NAALADL2: variants seen among roughly 807,000 people sequenced by gnomAD.
NAALADL2 encodes N-acetylated alpha-linked acidic dipeptidase like 2.
In NAALADL2, 76 loss-of-function variants were observed where a neutral mutation model predicts 87.2. That is an observed-to-expected ratio of 0.87 (90% CI 0.72 to 1.05). The LOEUF (loss-of-function observed/expected upper bound fraction) is 1.05. NAALADL2 is among the 50% of genes least tolerant of loss of function. NAALADL2 has a pLI of 0.00. For missense variants in NAALADL2, 1,089 were observed against 945.8 expected, an observed-to-expected ratio of 1.15 and a Z score of -1.99; for synonymous variants, 354 against 331.0, an observed-to-expected ratio of 1.07 and a Z score of -0.75.
At chr3:175,190,767 G>A (rs1738030507) in intron 2 of NAALADL2, among the ~76,000 whole-genome samples, 1 of 152,108 alleles carries the variant, frequency 6.6e-6, no homozygotes, top group South Asian at 2.1e-4. Flanking sequence ...ACGAGGTCAG[G>A]AGATCGAGAC....
At chr3:175,750,492 A>G (rs1188393768) in intron 12 of NAALADL2, among the ~76,000 whole-genome samples, 2 of 151,978 alleles carry the variant, frequency 1.3e-5, no homozygotes, top group African/African-American at 4.8e-5. Flanking sequence ...CATTCTTTCC[A>G]TAACAAGCCA....
At chr3:174,644,532 C>A (rs962266698) in intron 2 of NAALADL2, among the ~76,000 whole-genome samples, 1 of 151,916 alleles carries the variant, frequency 6.6e-6, no homozygotes, top group Non-Finnish European at 1.5e-5. Context: ...AGATTTAAAC[C>A]ATGTAGTTTA....
chr3:175,329,951 A>G (rs971275507), intron 5 of NAALADL2, among the ~76,000 whole-genome samples: 1 of 152,244 alleles, frequency 6.6e-6, no homozygotes, highest in African/African-American at 2.4e-5. Flanking sequence ...ATTATAGCCT[A>G]CAGAGAACAT....
chr3:174,756,776 C>T (rs1037199773), intron 3 of NAALADL2, among the ~76,000 whole-genome samples: 1 of 152,186 alleles, frequency 6.6e-6, no homozygotes, highest in Non-Finnish European at 1.5e-5. Context: ...CTCGCAGCCA[C>T]AGTGACCTAT....
At chr3:174,855,207 G>A (rs1386679249), upstream of NAALADL2, among the ~76,000 whole-genome samples, 2 of 152,070 alleles carry the variant, frequency 1.3e-5, no homozygotes, top group African/African-American at 2.4e-5. Context: ...CAAAACATGT[G>A]AGTAATGTCT....
At chr3:175,671,420 T>C (rs560779704) in intron 11 of NAALADL2, among the ~76,000 whole-genome samples, 1 of 152,034 alleles carries the variant, frequency 6.6e-6, no homozygotes, top group Non-Finnish European at 1.5e-5. Flanking sequence ...ACTGTTATCT[T>C]CCCTCTTAAT....
chr3:174,657,503 A>C (rs778030099), intron 2 of NAALADL2, among the ~76,000 whole-genome samples: 3 of 152,100 alleles, frequency 2.0e-5, no homozygotes, highest in Non-Finnish European at 2.9e-5. Context: ...TTATGTTCGC[A>C]GAAAACTTGA....
At chr3:175,491,196 CCTAT>C (rs1728035086) in intron 9 of NAALADL2, among the ~76,000 whole-genome samples, 4 of 103,248 alleles carry the variant, frequency 3.9e-5, no homozygotes, top group Non-Finnish European at 9.1e-5. Flanking sequence ...ATTTTATTGT[CCTAT>C]AAATATAATA....
At chr3:175,120,842 T>G (rs1414320867) in intron 2 of NAALADL2, among the ~76,000 whole-genome samples, 1 of 151,832 alleles carries the variant, frequency 6.6e-6, no homozygotes, top group Non-Finnish European at 1.5e-5. Context: ...GTTATATAGG[T>G]ATAATCTTAA....
intron 11 of NAALADL2, among the ~76,000 whole-genome samples, chr3:175,655,216 A>C (rs1046449379): frequency 6.6e-5 from 10 of 152,062 alleles, no homozygotes; most frequent in Non-Finnish European, 2.9e-5. Flanking sequence ...TATTCTTATA[A>C]AATTTGTGTA....
intron 1 of NAALADL2, among the ~76,000 whole-genome samples, chr3:175,015,597 A>C (rs548646420): frequency 6.6e-6 from 1 of 152,268 alleles, no homozygotes; most frequent in East Asian, 1.9e-4. Context: ...TCTTACTGAA[A>C]TGATATTAAA....
At chr3:174,600,565 C>T (rs1398962855) in intron 2 of NAALADL2, among the ~76,000 whole-genome samples, 2 of 151,878 alleles carry the variant, frequency 1.3e-5, no homozygotes, top group Non-Finnish European at 2.9e-5. Context: ...TTTGTGAGTA[C>T]ACGGTAAGTG....
At chr3:175,169,514 C>G (rs938629110) in intron 2 of NAALADL2, among the ~76,000 whole-genome samples, 1 of 151,128 alleles carries the variant, frequency 6.6e-6, no homozygotes, top group Non-Finnish European at 1.5e-5. Context: ...TTTTTGATGA[C>G]AGTATTAAAC....
chr3:175,645,010 T>C (rs1451803128), intron 11 of NAALADL2, among the ~76,000 whole-genome samples: 2 of 152,142 alleles, frequency 1.3e-5, no homozygotes, highest in African/African-American at 4.8e-5. Flanking sequence ...TCCTTATAAG[T>C]CATCCATTAA....
chr3:174,797,315 T>C (rs1222888666), intron 3 of NAALADL2, among the ~76,000 whole-genome samples: 4 of 127,840 alleles, frequency 3.1e-5, no homozygotes, highest in Admixed American at 1.5e-4. Context: ...CTTTTTTTTT[T>C]TTTTTTTTTT....
At chr3:175,590,366 C>T (rs1721250174) in intron 10 of NAALADL2, among the ~76,000 whole-genome samples, 1 of 140,822 alleles carries the variant, frequency 7.1e-6, no homozygotes, top group African/African-American at 2.7e-5. Context: ...AAAGAATAGT[C>T]GATATAGTGT....
chr3:174,455,821 A>G (rs996465579), intron 1 of NAALADL2, among the ~76,000 whole-genome samples: 4 of 152,178 alleles, frequency 2.6e-5, no homozygotes, highest in African/African-American at 9.6e-5. Context: ...CAAGACAAGG[A>G]TGTTCTCTCT....
intron 4 of NAALADL2, among the ~76,000 whole-genome samples, chr3:175,285,986 A>G (rs1581257779): frequency 6.6e-6 from 1 of 152,116 alleles, no homozygotes; most frequent in African/African-American, 2.4e-5. Context: ...GTAATTTTAC[A>G]TTTTTCAAAA....
intron 5 of NAALADL2, among the ~76,000 whole-genome samples, chr3:175,419,049 A>G (rs1345803198): frequency 2.6e-5 from 4 of 151,610 alleles, no homozygotes; most frequent in Non-Finnish European, 5.9e-5. Context: ...AGATACACAG[A>G]ATGGTTAAAT....
Sources: allele counts gnomAD v4.1 joint callset (sites outside exome capture counted in the v4.1 genomes callset), GRCh38; gene constraint gnomAD v4.1.1; transcripts MANE v1.5; gene names NCBI Gene and HGNC (gene_info 2026-07-23, HGNC 2026-07-21).